ADARB2: variants seen among roughly 807,000 people sequenced by gnomAD.
ADARB2 encodes the protein inactive double-stranded RNA-specific editase B2.
ADARB2 carries 25 observed loss-of-function variants against 62.2 expected under a neutral mutation model. That is an observed-to-expected ratio of 0.40 (90% CI 0.29 to 0.56). The LOEUF is 0.56. Among genes scored for constraint, ADARB2 ranks in the 20% least tolerant of loss-of-function variants. ADARB2 has a pLI of 0.43. For missense variants in ADARB2, 1,071 were observed against 1,077.4 expected, an observed-to-expected ratio of 0.99 and a Z score of 0.08; for synonymous variants, 572 against 500.8, an observed-to-expected ratio of 1.14 and a Z score of -1.90.
rs562939465 is a variant in ADARB2 at position 1,725,486 on chromosome 10, G to A, written c.100+11565C>T. Among the ~76,000 whole-genome samples the A allele has an allele frequency of 3.9e-5, 6 of 152,272 alleles. No individual in the cohort carries two copies. In the South Asian group the frequency reaches 1.2e-3, roughly 32 times the overall value. On this transcript the variant is annotated intron_variant, in intron 1 of 9. Transcript: ENST00000381312. ...GTGAGTCCTGCAGCCCAGAGGAAGA[G>A]ACGCCCAGGACTCTGCGGTGGGGGA...
At chr10:1,234,541 A>C (rs1476034660) in intron 5 of ADARB2, among the ~76,000 whole-genome samples, 1 of 151,848 alleles carries the variant, frequency 6.6e-6, no homozygotes, top group Non-Finnish European at 1.5e-5. Flanking sequence ...CCTGGGCTCA[A>C]GTGATCCTCC....
chr10:1,296,691 C>T (rs531237571), intron 3 of ADARB2, among the ~76,000 whole-genome samples: 29 of 152,262 alleles, frequency 1.9e-4, no homozygotes, highest in South Asian at 8.3e-4. Flanking sequence ...ATGTAATGAC[C>T]CCAAAACTCC....
At chr10:1,502,833 A>G (rs996801728) in intron 1 of ADARB2, among the ~76,000 whole-genome samples, 1 of 152,268 alleles carries the variant, frequency 6.6e-6, no homozygotes, top group Non-Finnish European at 1.5e-5. Flanking sequence ...ATCTTTAAGC[A>G]TGCAAGAAAG....
intron 1 of ADARB2, among the ~76,000 whole-genome samples, chr10:1,517,932 T>C (rs1318515236): frequency 2.0e-5 from 3 of 152,168 alleles, no homozygotes; most frequent in African/African-American, 7.2e-5. Flanking sequence ...GACAGAGCCT[T>C]TGCATGGCAG....
chr10:1,374,498 T>C (rs916321267), intron 2 of ADARB2, among the ~76,000 whole-genome samples: 1 of 152,174 alleles, frequency 6.6e-6, no homozygotes, highest in Non-Finnish European at 1.5e-5. Context: ...GTGGTGAAAC[T>C]TTTGCTTTCC....
chr10:1,544,680 G>A (rs948003284), intron 1 of ADARB2, among the ~76,000 whole-genome samples: 4 of 152,044 alleles, frequency 2.6e-5, no homozygotes, highest in African/African-American at 7.2e-5. Flanking sequence ...TAGTCAATGC[G>A]ATGTGTAATG....
rs1002953354 is a variant in ADARB2 at position 1,711,564 on chromosome 10, C to T, written c.100+25487G>A. Among the ~76,000 whole-genome samples, 13 of 152,264 alleles carry T rather than the reference C, an allele frequency of 8.5e-5. No homozygotes were observed. In the East Asian group the frequency reaches 9.6e-4, roughly 11 times the overall value. Reference sequence around the variant, plus strand: ...TTCCTCCACTTGACAAAGAAGAAAACGTGAGAATAACAAGAGAGCTGGAGA... The same window carrying T: ...TTCCTCCACTTGACAAAGAAGAAAATGTGAGAATAACAAGAGAGCTGGAGA... On this transcript the variant is annotated intron_variant, in intron 1 of 9. Transcript: ENST00000381312.
intron 1 of ADARB2, among the ~76,000 whole-genome samples, chr10:1,515,405 C>T (rs577659669): frequency 9.2e-5 from 14 of 152,220 alleles, no homozygotes; most frequent in South Asian, 2.1e-4. Context: ...GCCTGGCTGC[C>T]GCCGTGACCC....
intron 1 of ADARB2, among the ~76,000 whole-genome samples, chr10:1,395,668 C>G (rs1448525740): frequency 6.6e-6 from 1 of 152,212 alleles, no homozygotes; most frequent in Admixed American, 6.5e-5. Context: ...GTCCTCATCC[C>G]TGCGACGCAG....
At chr10:1,675,864 GA>G in intron 1 of ADARB2, 1 of 752,138 alleles carries the variant, frequency 1.3e-6, no homozygotes, top group Non-Finnish European at 1.6e-6. Flanking sequence ...CAGGAGGGCA[GA>G]GGCCAGCCTC....
At chr10:1,411,599 G>A (rs1471463352) in intron 1 of ADARB2, among the ~76,000 whole-genome samples, 2 of 152,232 alleles carry the variant, frequency 1.3e-5, no homozygotes, top group African/African-American at 4.8e-5. Flanking sequence ...CACCACAGAT[G>A]TGGTCCTGGG....
At position 1,379,137 on chromosome 10, in the gene ADARB2, A is replaced by C; in HGVS notation, c.124T>G (p.Phe42Val). The change falls in exon 2 of 10, where the codon TTC becomes GTC. Residue 42 changes from phenylalanine to valine, a missense_variant. Phe to Val is a conservative substitution (Grantham distance 50). Coordinates refer to ENST00000381312, the MANE Select transcript of ADARB2 (RefSeq NM_018702.4). ...CTCAGGTGCTTGAAAGGAGCGAGGAAGGTTGACAATATGCTTACTTTATCT... is the reference window on the plus strand; with the variant it reads ...CTCAGGTGCTTGAAAGGAGCGAGGACGGTTGACAATATGCTTACTTTATCT... ...RKDKVSILST[F>V]LAPFKHLSPG... The C allele has an allele frequency of 6.2e-7, 1 of 1,613,588 alleles. No individual in the cohort carries two copies. Among genetic ancestry groups the C allele is most frequent in the Non-Finnish European group, 8.5e-7 (1 of 1,179,582 alleles).
intron 1 of ADARB2, among the ~76,000 whole-genome samples, chr10:1,467,504 C>G (rs1388477731): frequency 6.6e-6 from 1 of 152,180 alleles, no homozygotes; most frequent in Non-Finnish European, 1.5e-5. Context: ...TGTGTTGATG[C>G]ATGAAGCCAC....
chr10:1,439,312 T>C (rs1830872423), intron 1 of ADARB2, among the ~76,000 whole-genome samples: 1 of 131,208 alleles, frequency 7.6e-6, no homozygotes, highest in Admixed American at 7.3e-5. Context: ...GGCTTCTGAG[T>C]CTCTCCCAGG....
chr10:1,383,890 A>G (rs1422804271), intron 1 of ADARB2, among the ~76,000 whole-genome samples: 12 of 152,168 alleles, frequency 7.9e-5, no homozygotes, highest in Non-Finnish European at 1.3e-4. Context: ...TTATCCTTGT[A>G]GTGGCTGCTG....
chr10:1,679,501 G>A (rs1233112430), intron 1 of ADARB2, among the ~76,000 whole-genome samples: 1 of 152,088 alleles, frequency 6.6e-6, no homozygotes. Context: ...GTCCTGGACC[G>A]AATGGCTGAT....
At chr10:1,545,033 G>C (rs1453324129) in intron 1 of ADARB2, among the ~76,000 whole-genome samples, 1 of 149,332 alleles carries the variant, frequency 6.7e-6, no homozygotes, top group Non-Finnish European at 1.5e-5. Flanking sequence ...AGTCTGGTAG[G>C]CTTGGTGAAC....
intron 3 of ADARB2, among the ~76,000 whole-genome samples, chr10:1,352,981 A>T (rs1022851624): frequency 6.6e-6 from 1 of 152,198 alleles, no homozygotes; most frequent in East Asian, 1.9e-4. Flanking sequence ...GCTATACTAT[A>T]GTACAAGCCA....
Position 1,270,981 on chromosome 10 carries a change from G to A in ADARB2, c.1166C>T (p.Ala389Val), listed in dbSNP as rs538700330. Residue 389 changes from alanine (A) to valine (V), a missense_variant, in exon 4 of 10, where the codon GCG becomes GTG. Physicochemically the swap from Ala to Val is moderately conservative, Grantham distance 64. Transcript: ENST00000381312. ...DLTPMHARHK[A>V]LAGIVMTKGL... ...TTTGGTCATGACGATTCCTGCCAGC[G>A]CTTTATGGCGGGCGTGCATGGGCGT... 88 of 1,614,042 alleles carry A rather than the reference G, an allele frequency of 5.5e-5. No homozygotes were observed. The highest frequency in any genetic ancestry group is 1.0e-4 in the Admixed American group (6 of 60,004).
Sources: gnomAD v4.1 joint callset for allele counts (sites outside exome capture counted in the v4.1 genomes callset) on GRCh38, gnomAD v4.1.1 for gene constraint, MANE v1.5 for transcripts, NCBI Gene and HGNC (gene_info 2026-07-23, HGNC 2026-07-21) for gene names.